The following CFAP61 variants were observed in gnomAD, a reference collection of about 807,000 sequenced individuals.
The protein encoded by CFAP61 is cilia- and flagella-associated protein 61.
In CFAP61, 107 loss-of-function variants were observed where a neutral mutation model predicts 135.6. The observed-to-expected ratio is 0.79, with a 90% CI of 0.67 to 0.93. The LOEUF is 0.93. CFAP61 is among the 40% of genes least tolerant of loss of function. The pLI is 0.00. For missense variants in CFAP61, 1,507 were observed against 1,556.2 expected (o/e 0.97, Z 0.53); for synonymous variants, 575 against 578.5 (o/e 0.99, Z 0.09).
At chr20:20,343,929 G>T (rs908941654) in intron 26 of CFAP61, among the ~76,000 whole-genome samples, 1 of 152,216 alleles carries the variant, frequency 6.6e-6, no homozygotes, top group African/African-American at 2.4e-5. Context: ...TATGAACTCA[G>T]TGTGGACAGC....
intron 25 of CFAP61, among the ~76,000 whole-genome samples, chr20:20,329,861 G>A (rs746721842): frequency 2.0e-5 from 3 of 152,226 alleles, no homozygotes; most frequent in Non-Finnish European, 2.9e-5. Flanking sequence ...TGTACGCAGC[G>A]CCTGTAAGTG....
At chr20:20,088,284 G>A (rs991842513) in intron 6 of CFAP61, among the ~76,000 whole-genome samples, 1 of 152,092 alleles carries the variant, frequency 6.6e-6, no homozygotes, top group Admixed American at 6.6e-5. Flanking sequence ...TTGACAAGAG[G>A]TGTATTAGTC....
intron 12 of CFAP61, among the ~76,000 whole-genome samples, chr20:20,167,714 G>A (rs1601121890): frequency 6.6e-6 from 1 of 152,104 alleles, no homozygotes. Context: ...TTGACTCTCA[G>A]GTTCCCCAAA....
intron 13 of CFAP61, 68 bp from the exon 14 acceptor site, chr20:20,187,862 C>A: frequency 8.2e-7 from 1 of 1,222,942 alleles, no homozygotes; most frequent in Non-Finnish European, 1.2e-6. Flanking sequence ...TATTACAATT[C>A]TGTCTCCATT....
At chr20:20,330,510 A>AT (rs1225295592) in intron 25 of CFAP61, among the ~76,000 whole-genome samples, 2 of 151,818 alleles carry the variant, frequency 1.3e-5, no homozygotes, top group Non-Finnish European at 2.9e-5. Context: ...TAATTTTTGT[A>AT]TTTTTTTGTA....
chr20:20,112,509 G>A (rs2048869013), intron 8 of CFAP61, among the ~76,000 whole-genome samples: 1 of 151,108 alleles, frequency 6.6e-6, no homozygotes, highest in Admixed American at 6.6e-5. Context: ...TTTTTAATAA[G>A]GTAAAATAAC....
At chr20:20,098,883 T>A (rs966385192) in intron 8 of CFAP61, 69 bp downstream of exon 8, 1 of 1,371,564 alleles carries the variant, frequency 7.3e-7, no homozygotes, top group Non-Finnish European at 1.0e-6. Flanking sequence ...CGCTCTTCGC[T>A]AAGTGATGGA....
In CFAP61 at chr20:20,269,180, T is replaced by TAC. The variant is rs370261733; in HGVS notation, c.2503+6058_2503+6059dup. Among the ~76,000 whole-genome samples the TAC allele has an allele frequency of 8.1e-5, 6 of 73,636 alleles. 1 individual carries two copies. The highest frequency in any genetic ancestry group is 1.4e-4 in the Admixed American group (1 of 7,018). The allele number at this position is 73,636 out of a possible 152,430, so 48.3% of individuals were successfully genotyped here. ...ACACACACACATACATATATGTATA[T>TAC]ACACACACATATATACATATATGTA... On this transcript the variant is annotated intron_variant, in intron 21 of 26. Transcript: ENST00000245957.
intron 26 of CFAP61, among the ~76,000 whole-genome samples, chr20:20,345,279 A>C (rs945491026): frequency 6.6e-6 from 1 of 152,214 alleles, no homozygotes; most frequent in Non-Finnish European, 1.5e-5. Flanking sequence ...TAACACAAAA[A>C]AATGATAAAT....
intron 9 of CFAP61, among the ~76,000 whole-genome samples, chr20:20,147,278 G>A (rs2051973201): frequency 2.0e-5 from 3 of 152,176 alleles, no homozygotes. Context: ...TGGGATTACT[G>A]GATCAAATGG....
chr20:20,314,200 A>G (rs1041232600), intron 25 of CFAP61, among the ~76,000 whole-genome samples: 2 of 142,206 alleles, frequency 1.4e-5, no homozygotes, highest in Non-Finnish European at 3.0e-5. Context: ...CCTGGGCAAC[A>G]TAGTGAGACC....
intron 20 of CFAP61, among the ~76,000 whole-genome samples, chr20:20,252,683 T>G (rs759722194): frequency 4.6e-5 from 7 of 152,206 alleles, no homozygotes; most frequent in Admixed American, 3.9e-4. Context: ...TAGACCATCT[T>G]GTGAATAGTT....
chr20:20,188,096 A>G (rs753469114), intron 14 of CFAP61, 40 bp downstream of exon 14: 3 of 1,609,762 alleles, frequency 1.9e-6, no homozygotes, highest in African/African-American at 2.7e-5. Context: ...ATATGGGACC[A>G]TTATGATGAC....
intron 24 of CFAP61, among the ~76,000 whole-genome samples, chr20:20,296,321 TCCTTC>T (rs1167616885): frequency 1.8e-5 from 1 of 56,000 alleles, no homozygotes; most frequent in South Asian, 7.5e-4. Flanking sequence ...CTTCCCTCCT[TCCTTC>T]CCTTCCTTCC....
intron 21 of CFAP61, among the ~76,000 whole-genome samples, chr20:20,271,610 G>A (rs1220317986): frequency 6.6e-6 from 1 of 152,148 alleles, no homozygotes; most frequent in Non-Finnish European, 1.5e-5. Context: ...CGGGTGCTCT[G>A]CCTGGACCCT....
At chr20:20,318,543 G>A (rs1394618042) in intron 25 of CFAP61, among the ~76,000 whole-genome samples, 1 of 152,158 alleles carries the variant, frequency 6.6e-6, no homozygotes, top group Non-Finnish European at 1.5e-5. Context: ...GATTTGAAAC[G>A]CCGTTGGCCC....
At chr20:20,245,969 C>T in intron 18 of CFAP61, 148 bp from the exon 19 acceptor site, 2 of 603,842 alleles carry the variant, frequency 3.3e-6, no homozygotes, top group Non-Finnish European at 5.9e-6. Flanking sequence ...ATGGTTGGTT[C>T]TATCTGAAGG....
intron 5 of CFAP61, 94 bp downstream of exon 5, chr20:20,075,350 C>T (rs1302131269): frequency 6.9e-7 from 1 of 1,455,816 alleles, no homozygotes; most frequent in Admixed American, 1.7e-5. Context: ...TAAGAGTGGT[C>T]TCCAGGTCCT....
intron 5 of CFAP61, 35 bp downstream of exon 5, chr20:20,075,291 G>A: frequency 6.2e-7 from 1 of 1,603,898 alleles, no homozygotes; most frequent in Non-Finnish European, 8.5e-7. Context: ...GTCCCCGGTA[G>A]CAAACATTGA....
Sources: gnomAD v4.1 joint callset for allele counts (sites outside exome capture counted in the v4.1 genomes callset) on GRCh38, gnomAD v4.1.1 for gene constraint, MANE v1.5 for transcripts, NCBI Gene and HGNC (gene_info 2026-07-23, HGNC 2026-07-21) for gene names.